The following FREM3 variants were observed in gnomAD, a reference collection of about 807,000 sequenced individuals.
FREM3 encodes FRAS1-related extracellular matrix protein 3.
In FREM3, 105 loss-of-function variants were observed where a neutral mutation model predicts 129.1. That is an observed-to-expected ratio of 0.81 (90% CI 0.69 to 0.96). The LOEUF (loss-of-function observed/expected upper bound fraction) is 0.96, where lower values mean the gene tolerates loss of function less well. FREM3 is among the 40% of genes least tolerant of loss of function. The probability of loss-of-function intolerance (pLI) is 0.00; values close to 1 mark genes in which losing one functional copy is unlikely to be tolerated. For synonymous variants in FREM3, 1,014 were observed against 1,044.9 expected (o/e 0.97, Z 0.57); for missense variants, 2,593 against 2,666.3 (o/e 0.97, Z 0.61).
At chr4:143,635,266 A>T (rs1739214525) in intron 2 of FREM3, among the ~76,000 whole-genome samples, 1 of 152,214 alleles carries the variant, frequency 6.6e-6, no homozygotes, top group South Asian at 2.1e-4. Context: ...GAAGTCTGGT[A>T]TAAAATGATC....
intron 6 of FREM3, among the ~76,000 whole-genome samples, chr4:143,589,584 T>C (rs1051076138): frequency 6.6e-6 from 1 of 152,228 alleles, no homozygotes; most frequent in African/African-American, 2.4e-5. Context: ...GGCTCTCTTC[T>C]GTTCCATTGG....
intron 6 of FREM3, among the ~76,000 whole-genome samples, chr4:143,591,657 C>T (rs900656716): frequency 4.6e-5 from 7 of 152,118 alleles, no homozygotes; most frequent in African/African-American, 1.4e-4. Context: ...GCTTTACTTC[C>T]AACTATGTGG....
Position 143,699,637 on chromosome 4 carries a change from G to T in FREM3, c.1039C>A (p.Leu347Met). The T allele has an allele frequency of 6.5e-7, 1 of 1,530,716 alleles. No homozygotes were observed. The highest frequency in any genetic ancestry group is 8.8e-7 in the Non-Finnish European group (1 of 1,142,792). The allele number at this position is 1,530,716 out of a possible 1,614,324, so 94.8% of individuals were successfully genotyped here. A position where few individuals can be genotyped will look rare whatever the true frequency, so the allele number is the denominator to read the frequency against. Residue 347 changes from leucine (L) to methionine (M), a missense_variant, in exon 1 of 8, where the codon CTG becomes ATG. This residue lies in a region of FREM3 where 2,276 missense variants were observed against 2,267.2 expected (regional missense o/e 1.00). Coordinates refer to ENST00000329798, the MANE Select transcript of FREM3 (RefSeq NM_001168235.2). This position sits in a 1 kb window ranked among gnomAD's most constrained non-coding sequence, Gnocchi z 4.2. The stretch of plus-strand genomic sequence containing the variant: ...CCTGGTGGGTGAGTGGGGGCGTTCA[G>T]AATGTTGAACACCAGGTCACCAGGG... ...SDPGDLVFNI[L>M]NAPTHPPGHP...
At position 143,699,012 on chromosome 4, in the gene FREM3, G is replaced by T; in HGVS notation, c.1664C>A (p.Thr555Asn). 2 of 1,537,336 alleles carry T rather than the reference G, an allele frequency of 1.3e-6. No homozygotes were observed. Among genetic ancestry groups the T allele is most frequent in the Non-Finnish European group, 1.7e-6 (2 of 1,146,920 alleles). ...MVNTNTGLSL[T>N]EGQVVQISPF... ...AGAGATCTGGACCACCTGCCCTTCA[G>T]TGAGTGAGAGTCCTGTGTTAGTATT... Residue 555 changes from threonine to asparagine, a missense_variant, in exon 1 of 8, where the codon ACT (threonine) becomes AAT (asparagine). Coordinates refer to ENST00000329798, the MANE Select transcript of FREM3 (RefSeq NM_001168235.2). This position sits in a 1 kb window ranked among gnomAD's most constrained non-coding sequence, Gnocchi z 4.2.
chr4:143,621,264 T>A, intron 4 of FREM3, 102 bp from the exon 5 acceptor site: 1 of 1,056,010 alleles, frequency 9.5e-7, no homozygotes, highest in Non-Finnish European at 1.4e-6. Flanking sequence ...CTCTTATATT[T>A]TCCAACATGA....
In FREM3 at chr4:143,585,489, C is replaced by G. The variant is rs886370446; in HGVS notation, c.6178+355G>C. 6.6e-6 allele frequency among the ~76,000 whole-genome samples: 1 copy of G among 152,144 alleles called. No individual in the cohort carries two copies. The highest frequency in any genetic ancestry group is 1.5e-5 in the Non-Finnish European group (1 of 68,034). ...TACACTTCAAAGGTCTAATATGTGA[C>G]GAGATTCTTCCACGAGTTGGGACTT... On this transcript the variant is annotated intron_variant, in intron 7 of 7. Coordinates refer to ENST00000329798, the MANE Select transcript of FREM3 (RefSeq NM_001168235.2). The surrounding 1 kb of genome is among the most constrained non-coding windows in gnomAD (Gnocchi z 4.2).
At chr4:143,646,939 T>C (rs573345079) in intron 2 of FREM3, among the ~76,000 whole-genome samples, 2 of 151,682 alleles carry the variant, frequency 1.3e-5, no homozygotes, top group Non-Finnish European at 2.9e-5. Flanking sequence ...CAGAAGAAGA[T>C]AGGAAAATGT....
At chr4:143,662,159 C>G (rs532173275) in intron 2 of FREM3, among the ~76,000 whole-genome samples, 1 of 152,158 alleles carries the variant, frequency 6.6e-6, no homozygotes, top group Admixed American at 6.5e-5. Context: ...TCTTGCTTTT[C>G]TAGTTCTTTA....
chr4:143,674,220 G>A (rs565969945), intron 2 of FREM3, among the ~76,000 whole-genome samples: 1 of 152,328 alleles, frequency 6.6e-6, no homozygotes, highest in African/African-American at 2.4e-5. Flanking sequence ...AGCCGGAAGA[G>A]AGTGGGGGCC....
chr4:143,592,062 C>G (rs1413016839), intron 6 of FREM3, among the ~76,000 whole-genome samples: 2 of 152,164 alleles, frequency 1.3e-5, no homozygotes, highest in Non-Finnish European at 2.9e-5. Flanking sequence ...AGGATTGCAA[C>G]CCCTGCCTTT....
intron 2 of FREM3, among the ~76,000 whole-genome samples, chr4:143,665,836 G>T (rs1045095183): frequency 6.6e-6 from 1 of 152,024 alleles, no homozygotes; most frequent in Non-Finnish European, 1.5e-5. Context: ...CATCTAACTA[G>T]CCCTTGTGTT....
chr4:143,609,182 C>A (rs1054933121), intron 6 of FREM3, among the ~76,000 whole-genome samples: 6 of 152,228 alleles, frequency 3.9e-5, no homozygotes, highest in African/African-American at 1.4e-4. Flanking sequence ...AGTCTCCAGA[C>A]CCCCAGCACA....
intron 2 of FREM3, among the ~76,000 whole-genome samples, chr4:143,644,828 G>T (rs1451770099): frequency 6.6e-6 from 1 of 152,166 alleles, no homozygotes; most frequent in African/African-American, 2.4e-5. Context: ...AGCCATAGAG[G>T]TTCCATAGTT....
chr4:143,645,242 A>T (rs1739395295), intron 2 of FREM3: 1 of 152,130 alleles, frequency 6.6e-6, no homozygotes, highest in African/African-American at 2.4e-5. Flanking sequence ...AGCTCTTGCA[A>T]ACTCTCTACT....
intron 6 of FREM3, among the ~76,000 whole-genome samples, chr4:143,592,050 C>G (rs1443522549): frequency 2.6e-5 from 4 of 152,182 alleles, no homozygotes; most frequent in Non-Finnish European, 4.4e-5. Flanking sequence ...TTATCAGAGA[C>G]TAGGATTGCA....
intron 7 of FREM3, among the ~76,000 whole-genome samples, chr4:143,583,480 G>A (rs1738184224): frequency 6.6e-6 from 1 of 151,886 alleles, no homozygotes. Context: ...TACTGTATAA[G>A]ACAACTATCC....
At chr4:143,672,588 AG>A (rs1229698149) in intron 2 of FREM3, among the ~76,000 whole-genome samples, 1 of 152,078 alleles carries the variant, frequency 6.6e-6, no homozygotes, top group Non-Finnish European at 1.5e-5. Flanking sequence ...GCTCTTCTCG[AG>A]GAGTATCTTT....
At position 143,649,874 on chromosome 4, in the gene FREM3, C is replaced by T. The variant is rs111239603; in HGVS notation, c.5276-22114G>A. Among the ~76,000 whole-genome samples the T allele has an allele frequency of 8.7e-4, 133 of 152,188 alleles. 1 individual carries two copies. Among genetic ancestry groups the T allele is most frequent in the African/African-American group, 3.0e-3 (126 of 41,522 alleles). On this transcript the variant is annotated intron_variant, in intron 2 of 7. Transcript: ENST00000329798. Reference sequence around the variant, plus strand: ...GAATGTTTCAGGACCAGTTGAGGACCCTTTGCATAAAATTTAAGAACAAAT... The same window carrying T: ...GAATGTTTCAGGACCAGTTGAGGACTCTTTGCATAAAATTTAAGAACAAAT...
chr4:143,629,282 G>A (rs575311483), intron 2 of FREM3, among the ~76,000 whole-genome samples: 8 of 152,158 alleles, frequency 5.3e-5, no homozygotes, highest in Non-Finnish European at 8.8e-5. Context: ...GGAACCATGA[G>A]CATGGAAAGA....
Sources: gnomAD v4.1 joint callset for allele counts (sites outside exome capture counted in the v4.1 genomes callset) on GRCh38, gnomAD v4.1.1 for gene constraint, gnomAD v4.1.1 regional missense constraint, Gnocchi (gnomAD v3.1) non-coding constraint, MANE v1.5 for transcripts, NCBI Gene and HGNC (gene_info 2026-07-23, HGNC 2026-07-21) for gene names.